CACNA2D3: variants seen among roughly 807,000 people sequenced by gnomAD.
CACNA2D3 encodes the protein voltage-dependent calcium channel subunit alpha-2/delta-3.
In CACNA2D3, 60 loss-of-function variants were observed where a neutral mutation model predicts 160.6. The observed-to-expected ratio is 0.37, with a 90% CI of 0.30 to 0.46. The LOEUF is 0.46. Ranked by LOEUF, CACNA2D3 falls within the 20% of genes least tolerant of loss-of-function variation. CACNA2D3 has a pLI of 1.00. For missense variants in CACNA2D3, 1,205 were observed against 1,365.0 expected, an observed-to-expected ratio of 0.88 and a Z score of 1.85; for synonymous variants, 558 against 492.9, an observed-to-expected ratio of 1.13 and a Z score of -1.75.
intron 13 of CACNA2D3, among the ~76,000 whole-genome samples, chr3:54,774,990 CA>C (rs1702400038): frequency 6.6e-6 from 1 of 152,050 alleles, no homozygotes; most frequent in Non-Finnish European, 1.5e-5. Flanking sequence ...TACATGGTGC[CA>C]AAAATGGCTC....
intron 3 of CACNA2D3, among the ~76,000 whole-genome samples, chr3:54,378,191 G>A (rs902562280): frequency 5.9e-5 from 9 of 152,168 alleles, no homozygotes; most frequent in South Asian, 2.1e-4. Context: ...ATCAGGGATC[G>A]GTTTCATGAA....
At chr3:54,198,719 G>T (rs963944141) in intron 2 of CACNA2D3, among the ~76,000 whole-genome samples, 1 of 152,254 alleles carries the variant, frequency 6.6e-6, no homozygotes, top group Non-Finnish European at 1.5e-5. Flanking sequence ...CTGTCCCTCA[G>T]GCCCCGGGGG....
At chr3:54,757,845 A>T (rs184538082) in intron 12 of CACNA2D3, among the ~76,000 whole-genome samples, 194 of 152,358 alleles carry the variant, frequency 1.3e-3, no homozygotes, top group African/African-American at 3.0e-3. Context: ...ACCAGCCAGC[A>T]GGCGGTAGAG....
At chr3:54,587,348 G>A (rs1702780170) in intron 9 of CACNA2D3, among the ~76,000 whole-genome samples, 1 of 152,134 alleles carries the variant, frequency 6.6e-6, no homozygotes, top group Non-Finnish European at 1.5e-5. Context: ...CCTGAGGTCA[G>A]GAGTTGGAGA....
chr3:54,716,350 A>G (rs1038100117), intron 11 of CACNA2D3, among the ~76,000 whole-genome samples: 5 of 152,094 alleles, frequency 3.3e-5, no homozygotes, highest in African/African-American at 1.2e-4. Context: ...TTTTCTGAAG[A>G]GGGTTTTGAG....
intron 4 of CACNA2D3, among the ~76,000 whole-genome samples, chr3:54,451,384 G>A (rs1288474670): frequency 6.6e-6 from 1 of 151,000 alleles, no homozygotes; most frequent in Non-Finnish European, 1.5e-5. Context: ...CAAGTAGCTG[G>A]GACTACAGGC....
chr3:54,642,384 C>A, intron 11 of CACNA2D3, 143 bp downstream of exon 11: 2 of 489,826 alleles, frequency 4.1e-6, no homozygotes, highest in Non-Finnish European at 7.1e-6. Context: ...TTTTGGTTGA[C>A]CAAAACTGAA....
chr3:54,692,266 C>T (rs1700585605), intron 11 of CACNA2D3, among the ~76,000 whole-genome samples: 1 of 152,230 alleles, frequency 6.6e-6, no homozygotes, highest in South Asian at 2.1e-4. Context: ...GTGTGAGCCA[C>T]CACGCCCAGC....
intron 34 of CACNA2D3, among the ~76,000 whole-genome samples, chr3:55,016,026 A>G (rs1703319142): frequency 2.0e-5 from 3 of 152,104 alleles, no homozygotes; most frequent in Admixed American, 1.3e-4. Context: ...ATTTTATTCT[A>G]TTTTATTTGT....
chr3:54,126,640 C>T (rs1425008660), intron 2 of CACNA2D3, among the ~76,000 whole-genome samples: 1 of 152,096 alleles, frequency 6.6e-6, no homozygotes, highest in Non-Finnish European at 1.5e-5. Flanking sequence ...GGAAATTTGT[C>T]TGTTTTCAGT....
At chr3:54,550,570 G>T (rs1318833601) in intron 5 of CACNA2D3, among the ~76,000 whole-genome samples, 1 of 152,234 alleles carries the variant, frequency 6.6e-6, no homozygotes, top group East Asian at 1.9e-4. Context: ...CGGGAAGAAT[G>T]GCTTGAAGGG....
At chr3:54,819,529 G>A (rs1159813220) in intron 14 of CACNA2D3, among the ~76,000 whole-genome samples, 8 of 152,080 alleles carry the variant, frequency 5.3e-5, no homozygotes, top group African/African-American at 1.7e-4. Context: ...AGCAGGTATG[G>A]GTGCTCCCCC....
chr3:54,375,150 G>A (rs968970075), intron 3 of CACNA2D3, among the ~76,000 whole-genome samples: 2 of 152,116 alleles, frequency 1.3e-5, no homozygotes, highest in South Asian at 2.1e-4. Flanking sequence ...CTTGTACCCC[G>A]TAAGCCTGGT....
chr3:54,403,969 A>G lies in CACNA2D3; in HGVS notation c.381+17195A>G, dbSNP rs182065331. On this transcript the variant is annotated intron_variant, in intron 4 of 37. Transcript: ENST00000474759. ...AGAAATGCAAAGCCCGCATAGAGCA[A>G]TAACAAAGAGATTGAAGTAGTAATT... Among the ~76,000 whole-genome samples the G allele has an allele frequency of 8.5e-4, 130 of 152,330 alleles. 2 individuals carry two copies. The highest frequency in any genetic ancestry group is 2.9e-3 in the African/African-American group (122 of 41,586).
At chr3:54,167,803 T>G (rs1327970084) in intron 2 of CACNA2D3, among the ~76,000 whole-genome samples, 1 of 152,220 alleles carries the variant, frequency 6.6e-6, no homozygotes. Context: ...TGTAGGAGGC[T>G]TTAAGTCTTG....
intron 3 of CACNA2D3, among the ~76,000 whole-genome samples, chr3:54,343,554 G>A (rs1029005666): frequency 6.6e-6 from 1 of 152,182 alleles, no homozygotes; most frequent in Non-Finnish European, 1.5e-5. Flanking sequence ...ACAGTGCTGC[G>A]ACTACAGGCA....
chr3:54,550,237 C>A (rs1395705355), intron 5 of CACNA2D3, among the ~76,000 whole-genome samples: 1 of 152,188 alleles, frequency 6.6e-6, no homozygotes, highest in Non-Finnish European at 1.5e-5. Context: ...CCCACCCCAT[C>A]CTGCATCGCC....
intron 4 of CACNA2D3, among the ~76,000 whole-genome samples, chr3:54,426,914 G>C (rs1481982322): frequency 6.6e-6 from 1 of 152,060 alleles, no homozygotes; most frequent in Non-Finnish European, 1.5e-5. Flanking sequence ...ATAATATGCT[G>C]TTAATGTGTC....
At chr3:55,045,005 T>C (rs112971078) in intron 35 of CACNA2D3, among the ~76,000 whole-genome samples, 10 of 152,290 alleles carry the variant, frequency 6.6e-5, no homozygotes, top group African/African-American at 2.4e-4. Context: ...GCTAATATTA[T>C]GTTGTGGCTT....
Sources: gnomAD v4.1 joint callset for allele counts (sites outside exome capture counted in the v4.1 genomes callset) on GRCh38, gnomAD v4.1.1 for gene constraint, MANE v1.5 for transcripts, NCBI Gene and HGNC (gene_info 2026-07-23, HGNC 2026-07-21) for gene names.